The following PMS2 variants were observed in gnomAD, a reference collection of about 807,000 sequenced individuals.
The protein encoded by PMS2 is PMS1 homolog 2, mismatch repair system component, also known as mismatch repair endonuclease PMS2.
In PMS2, 69 loss-of-function variants were observed where a neutral mutation model predicts 90.0. That is an observed-to-expected ratio of 0.77 (90% CI 0.63 to 0.94). The LOEUF (loss-of-function observed/expected upper bound fraction) is 0.94, where lower values mean the gene tolerates loss of function less well. PMS2 is among the 40% of genes least tolerant of loss of function. The pLI, the probability that PMS2 is intolerant of heterozygous loss-of-function variation, is 0.00. For synonymous variants in PMS2, 332 were observed against 375.1 expected, an observed-to-expected ratio of 0.89 and a Z score of 1.33; for missense variants, 966 against 1,040.2, an observed-to-expected ratio of 0.93 and a Z score of 0.98.
chr7:6,001,381 T>TC (rs1785071119), intron 5 of PMS2, among the ~76,000 whole-genome samples: 1 of 151,236 alleles, frequency 6.6e-6, no homozygotes, highest in Admixed American at 6.6e-5. Flanking sequence ...TTCTTTTTTT[T>TC]TTTTTTTTGA....
chr7:6,006,885 T>C (rs1475523214), intron 1 of PMS2, among the ~76,000 whole-genome samples: 5 of 152,090 alleles, frequency 3.3e-5, no homozygotes, highest in Admixed American at 3.3e-4. Flanking sequence ...TTATCTCCCC[T>C]TATTCCCTGC....
intron 1 of PMS2, among the ~76,000 whole-genome samples, chr7:6,008,731 GTCTGGGA>G (rs1196322179): frequency 1.3e-5 from 2 of 152,076 alleles, no homozygotes; most frequent in Admixed American, 1.3e-4. Context: ...GGCAAGGCCT[GTCTGGGA>G]CAGGCCGAAC....
intron 10 of PMS2, among the ~76,000 whole-genome samples, chr7:5,988,142 G>A (rs928186209): frequency 5.3e-5 from 8 of 150,498 alleles, no homozygotes; most frequent in Non-Finnish European, 1.0e-4. Context: ...AACAACAAAT[G>A]CTCACAAAGA....
intron 11 of PMS2, among the ~76,000 whole-genome samples, chr7:5,985,030 C>A (rs2128713410): frequency 6.6e-6 from 1 of 151,848 alleles, no homozygotes; most frequent in Non-Finnish European, 1.5e-5. Context: ...GGGTCTGTTT[C>A]CTGGTACCAA....
chr7:5,986,321 C>T (rs1782856381), intron 11 of PMS2, among the ~76,000 whole-genome samples: 1 of 152,056 alleles, frequency 6.6e-6, no homozygotes, highest in Non-Finnish European at 1.5e-5. Context: ...GTGATCCTCC[C>T]TCCTTGGCTT....
rs1159396042 is a variant in PMS2, at chr7:5,992,062, A to C, written c.904-5T>G. 8 of 1,471,136 alleles carry C rather than the reference A, an allele frequency of 5.4e-6. No individual in the cohort carries two copies. In the East Asian group the frequency reaches 1.4e-4, roughly 25 times the overall value. The allele number at this position is 1,471,136 out of a possible 1,614,324, so 91.1% of individuals were successfully genotyped here. On this transcript the variant is annotated splice_polypyrimidine_tract_variant and splice_region_variant and intron_variant, in intron 8 of 14. Coordinates refer to ENST00000265849, the MANE Select transcript of PMS2 (RefSeq NM_000535.7). ...CTCATTCACGAGTCTGCAGACCTGC[A>C]CAAAATACAAGGAGTAGAAAAGAAT...
At chr7:5,999,769 C>T (rs999197602) in intron 5 of PMS2, among the ~76,000 whole-genome samples, 1 of 151,974 alleles carries the variant, frequency 6.6e-6, no homozygotes, top group Non-Finnish European at 1.5e-5. Flanking sequence ...GCACTCCAGC[C>T]TCGGTGACAG....
Position 6,009,006 on chromosome 7 carries a change from T to TC in PMS2, c.13dup (p.Glu5GlyfsTer9). 6.2e-7 allele frequency: 1 copy of TC among 1,612,582 alleles called. No homozygotes were observed. The highest frequency in any genetic ancestry group is 8.5e-7 in the Non-Finnish European group (1 of 1,179,832). ...TGCGAGCCCCGCTCACCTCGAGCTC[T>TC]CAGCTCGCTCCATGGATGCAACACC... On this transcript the variant is annotated frameshift_variant, in exon 1 of 15. Coordinates refer to ENST00000265849, the MANE Select transcript of PMS2 (RefSeq NM_000535.7). LOFTEE classifies it high-confidence loss of function.
intron 8 of PMS2, among the ~76,000 whole-genome samples, chr7:5,993,456 A>T (rs1784002236): frequency 6.6e-6 from 1 of 151,934 alleles, no homozygotes. Context: ...AAACTCAAAA[A>T]ACCCATGTCA....
rs2128737194 is a variant in PMS2 at position 5,987,608 on chromosome 7, T to C, written c.1157A>G (p.Lys386Arg). The stretch of plus-strand genomic sequence containing the variant: ...CTTTTCCAAATCCGCTGCATGCATT[T>C]TTATTAAGTTACCTAAGCAAACGTG... ...PLLDVEGNLI[K>R]MHAADLEKPM... Residue 386 changes from lysine to arginine, a missense_variant, in exon 11 of 15, where the codon AAA (lysine) becomes AGA (arginine). Lys to Arg is a conservative substitution (Grantham distance 26). Around this residue, in one of 2 missense-constraint regions of PMS2, gnomAD observed 871 missense variants for 802.4 expected, o/e 1.09. Transcript: ENST00000265849. The C allele has an allele frequency of 6.2e-7, 1 of 1,600,016 alleles. No individual in the cohort carries two copies. Among genetic ancestry groups the C allele is most frequent in the Non-Finnish European group, 8.6e-7 (1 of 1,169,172 alleles).
At chr7:5,992,180 T>TC (rs1452259453) in intron 8 of PMS2, 123 bp from the exon 9 acceptor site, 2 of 665,984 alleles carry the variant, frequency 3.0e-6, no homozygotes, top group African/African-American at 3.6e-5. Flanking sequence ...TTTGTTTTTT[T>TC]TTTTTTTGAG....
At chr7:5,986,675 G>C (rs1020388428) in intron 11 of PMS2, 84 bp downstream of exon 11, 38 of 1,123,688 alleles carry the variant, frequency 3.4e-5, no homozygotes, top group Non-Finnish European at 4.6e-5. Context: ...CTGCGCAACA[G>C]AGCAAGACTC....
rs3209663 is a variant in PMS2 at position 6,005,934 on chromosome 7, C to A, written c.121G>T (p.Glu41Ter). Residue 41 changes from glutamate to a stop codon, truncating the protein, a stop_gained, in exon 2 of 15, where the codon GAG becomes TAG. Transcript: ENST00000265849. LOFTEE classifies it high-confidence loss of function. Reference protein sequence around the residue: ...VVLSLSTAVKELVENSLDAGA... With the variant: ...VVLSLSTAVK ...GCATCCAGACTGTTTTCTACTAACT[C>A]CTTTACCGCAGTGCTTAGACTCAGT... The A allele has an allele frequency of 6.2e-7, 1 of 1,610,844 alleles. No individual in the cohort carries two copies. Among genetic ancestry groups the A allele is most frequent in the Non-Finnish European group, 8.5e-7 (1 of 1,179,862 alleles).
rs1554298669 is a variant in PMS2, at chr7:5,989,830, C to G, written c.1114G>C (p.Val372Leu). Residue 372 changes from valine (V) to leucine (L), a missense_variant, in exon 10 of 15, where the codon GTC becomes CTC. This residue lies in a region of PMS2 where 871 missense variants were observed against 802.4 expected (regional missense o/e 1.09). Coordinates refer to ENST00000265849, the MANE Select transcript of PMS2 (RefSeq NM_000535.7). ...MFDSDVNKLN[V>L]SQQPLLDVEG... ...ACATCCAGCAGTGGCTGCTGACTGA[C>G]ATTTAGCTTGTTGACATCACTATCA... The G allele has an allele frequency of 6.2e-7, 1 of 1,613,196 alleles. No individual in the cohort carries two copies. Among genetic ancestry groups the G allele is most frequent in the South Asian group, 1.1e-5 (1 of 91,028 alleles).
At chr7:5,979,187 A>G (rs1320288188) in intron 12 of PMS2, among the ~76,000 whole-genome samples, 2 of 133,862 alleles carry the variant, frequency 1.5e-5, no homozygotes, top group African/African-American at 2.9e-5. Flanking sequence ...GGGCGACACA[A>G]CAAGACTCTG....
chr7:5,990,998 G>C (rs956940003), intron 9 of PMS2, among the ~76,000 whole-genome samples: 4 of 152,140 alleles, frequency 2.6e-5, no homozygotes, highest in East Asian at 3.9e-4. Flanking sequence ...TTGGGAGACA[G>C]AGCAAGACTC....
chr7:6,003,751 G>C lies in PMS2; in HGVS notation c.292C>G (p.Leu98Val). ...AAGCCAAAAGTTTCAACCTGAGTTA[G>C]GTCGGCAAACTCTTGAATCTTAGAT... ...HTSKIQEFAD[L>V]TQVETFGFRG... Residue 98 changes from leucine to valine, a missense_variant, in exon 4 of 15, where the codon CTA becomes GTA. By Grantham distance (32) the Leu-to-Val change is conservative. Around this residue, in one of 2 missense-constraint regions of PMS2, gnomAD observed 871 missense variants for 802.4 expected, o/e 1.09. Transcript: ENST00000265849. 1 of 1,603,594 alleles carries C rather than the reference G, an allele frequency of 6.2e-7. No homozygotes were observed. The highest frequency in any genetic ancestry group is 8.5e-7 in the Non-Finnish European group (1 of 1,179,274).
intron 1 of PMS2, among the ~76,000 whole-genome samples, chr7:6,008,283 T>A (rs1786097451): frequency 6.6e-6 from 1 of 152,136 alleles, no homozygotes. Context: ...AGAGAGCAAA[T>A]TTGCGTTTAC....
At chr7:5,976,106 G>A (rs1302315581) in intron 14 of PMS2, among the ~76,000 whole-genome samples, 2 of 142,858 alleles carry the variant, frequency 1.4e-5, no homozygotes, top group African/African-American at 5.0e-5. Context: ...AGGTGTGGTG[G>A]GTGCCTGTAG....
Sources: gnomAD v4.1 joint callset for allele counts (sites outside exome capture counted in the v4.1 genomes callset) on GRCh38, gnomAD v4.1.1 for gene constraint, gnomAD v4.1.1 regional missense constraint, MANE v1.5 for transcripts, NCBI Gene and HGNC (gene_info 2026-07-23, HGNC 2026-07-21) for gene names.